The following B4GALT1 variants were observed in gnomAD, a reference collection of about 807,000 sequenced individuals.
B4GALT1 encodes N-acetyllactosamine synthase.
Under a neutral mutation model 34.9 loss-of-function variants are expected in B4GALT1, and 16 were observed. That is an observed-to-expected ratio of 0.46 (90% CI 0.31 to 0.70). The LOEUF (loss-of-function observed/expected upper bound fraction) is 0.70. Ranked by LOEUF, B4GALT1 falls within the 30% of genes least tolerant of loss-of-function variation. B4GALT1 has a pLI of 0.05. For synonymous variants in B4GALT1, 221 were observed against 218.1 expected (o/e 1.01, Z -0.12); for missense variants, 445 against 530.5 (o/e 0.84, Z 1.58).
chr9:33,146,094 G>T (rs1255140537), intron 1 of B4GALT1, among the ~76,000 whole-genome samples: 2 of 152,196 alleles, frequency 1.3e-5, no homozygotes, highest in Non-Finnish European at 2.9e-5. Context: ...GTGACTGGGG[G>T]TCACAAGCTT....
At chr9:33,171,395 A>G (rs1840839108), upstream of B4GALT1, among the ~76,000 whole-genome samples, 1 of 152,168 alleles carries the variant, frequency 6.6e-6, no homozygotes. Flanking sequence ...GGGTTTCCTC[A>G]CAAACTAGAG....
At chr9:33,175,679 T>A in the B4GALT1 span, among the ~76,000 whole-genome samples, 1 of 152,216 alleles carries the variant, frequency 6.6e-6, no homozygotes, top group African/African-American at 2.4e-5. Flanking sequence ...CACTTATCAT[T>A]GTGTTATAAT....
chr9:33,176,487 T>C, the B4GALT1 span, among the ~76,000 whole-genome samples: 10 of 152,280 alleles, frequency 6.6e-5, no homozygotes, highest in Middle Eastern at 3.4e-3. Context: ...GGAGGCGCTG[T>C]TTTAAGGCTT....
chr9:33,134,230 G>A (rs1248891921), intron 2 of B4GALT1, among the ~76,000 whole-genome samples: 2 of 152,142 alleles, frequency 1.3e-5, no homozygotes, highest in Non-Finnish European at 2.9e-5. Context: ...AGAGTTCCTT[G>A]ACCTTGATGG....
At chr9:33,123,919 G>A (rs1457436650) in intron 2 of B4GALT1, among the ~76,000 whole-genome samples, 1 of 152,102 alleles carries the variant, frequency 6.6e-6, no homozygotes, top group Non-Finnish European at 1.5e-5. Context: ...ACTTAAAATT[G>A]GTCAGGCAGT....
chr9:33,179,325 T>C, the B4GALT1 span: 1 of 152,240 alleles, frequency 6.6e-6, no homozygotes, highest in African/African-American at 2.4e-5. Flanking sequence ...TTTCCTCCAG[T>C]TTCCTGTTCT....
intron 2 of B4GALT1, among the ~76,000 whole-genome samples, chr9:33,122,511 AAAAT>A (rs34636838): frequency 0.31 from 46,187 of 150,748 alleles, 7,647 homozygotes; most frequent in East Asian, 0.71. Context: ...CCATCTCAAA[AAAAT>A]AAATAAATAA....
chr9:33,156,700 C>T (rs1157499568), intron 1 of B4GALT1, among the ~76,000 whole-genome samples: 1 of 152,166 alleles, frequency 6.6e-6, no homozygotes, highest in Non-Finnish European at 1.5e-5. Flanking sequence ...AGAAGTTCAT[C>T]CACATGAGTT....
chr9:33,119,459 G>T (rs1294162941), intron 3 of B4GALT1, among the ~76,000 whole-genome samples: 1 of 152,238 alleles, frequency 6.6e-6, no homozygotes, highest in African/African-American at 2.4e-5. Flanking sequence ...GTTCACACCT[G>T]TAATCCCAAT....
intron 1 of B4GALT1, among the ~76,000 whole-genome samples, chr9:33,154,363 T>C (rs988866024): frequency 1.3e-5 from 2 of 152,164 alleles, no homozygotes; most frequent in African/African-American, 2.4e-5. Context: ...AAAGGGCACC[T>C]AGGAAAAACC....
chr9:33,182,179 G>T, the B4GALT1 span, among the ~76,000 whole-genome samples: 1 of 152,076 alleles, frequency 6.6e-6, no homozygotes, highest in African/African-American at 2.4e-5. Flanking sequence ...GCCATCCTTG[G>T]CATTCCTTGG....
rs142848197 is a variant in B4GALT1 at position 33,120,742 on chromosome 9, A to G, written c.649-136T>C. 4.7e-5 allele frequency: 40 copies of G among 853,224 alleles called. No homozygotes were observed. In the East Asian group the frequency reaches 9.8e-4, roughly 21 times the overall value. The allele number at this position is 853,224 out of a possible 1,614,324, so 52.9% of individuals were successfully genotyped here. A position where few individuals can be genotyped will look rare whatever the true frequency, so the allele number is the denominator to read the frequency against. On this transcript the variant is annotated intron_variant, in intron 2 of 5. Coordinates refer to ENST00000379731, the MANE Select transcript of B4GALT1 (RefSeq NM_001497.4). ...CCTCACTTTTCTGCCGTCACTCTAC[A>G]ATCAACACAGAGTACCAAAACCTCT...
chr9:33,127,664 C>A (rs1161833126), intron 2 of B4GALT1, among the ~76,000 whole-genome samples: 1 of 152,122 alleles, frequency 6.6e-6, no homozygotes, highest in Non-Finnish European at 1.5e-5. Flanking sequence ...AGAGAAAAGA[C>A]AAGTTAATTA....
chr9:33,157,916 C>A (rs2118289045), intron 1 of B4GALT1, among the ~76,000 whole-genome samples: 1 of 152,298 alleles, frequency 6.6e-6, no homozygotes, highest in Middle Eastern at 3.4e-3. Flanking sequence ...AACACTGAGG[C>A]ACAGAGAGGA....
intron 2 of B4GALT1, among the ~76,000 whole-genome samples, chr9:33,133,548 A>G (rs1025812601): frequency 6.6e-6 from 1 of 152,204 alleles, no homozygotes; most frequent in African/African-American, 2.4e-5. Context: ...TTCTTAAATG[A>G]ATATGTGTTG....
chr9:33,173,590 T>C, the B4GALT1 span, among the ~76,000 whole-genome samples: 3 of 88,646 alleles, frequency 3.4e-5, no homozygotes, highest in Non-Finnish European at 4.6e-5. Flanking sequence ...GAAATAAGAA[T>C]GGTGTGTGTG....
chr9:33,169,348 A>G (rs891351721), upstream of B4GALT1, among the ~76,000 whole-genome samples: 2 of 152,130 alleles, frequency 1.3e-5, no homozygotes, highest in African/African-American at 4.8e-5. Flanking sequence ...TGAACTTGCC[A>G]TATTTCTTCC....
the B4GALT1 span, chr9:33,179,187 G>A: frequency 6.6e-6 from 1 of 152,234 alleles, no homozygotes; most frequent in African/African-American, 2.4e-5. Context: ...CAAAGGGACT[G>A]GATATAGGGA....
intron 1 of B4GALT1, among the ~76,000 whole-genome samples, chr9:33,136,701 G>C (rs1435086838): frequency 6.6e-6 from 1 of 152,196 alleles, no homozygotes; most frequent in Non-Finnish European, 1.5e-5. Context: ...TTTGGGAACT[G>C]TTACTCTAGT....
Sources: gnomAD v4.1 joint callset for allele counts (sites outside exome capture counted in the v4.1 genomes callset) on GRCh38, gnomAD v4.1.1 for gene constraint, MANE v1.5 for transcripts, NCBI Gene and HGNC (gene_info 2026-07-23, HGNC 2026-07-21) for gene names.